The following CHM variants were observed in gnomAD, a reference collection of about 807,000 sequenced individuals.
The protein encoded by CHM is rab proteins geranylgeranyltransferase component A 1.
A neutral mutation model predicts 49.0 loss-of-function variants in CHM; 10 were observed. The ratio of observed to expected loss-of-function variants is 0.20; its 90% confidence interval spans 0.13 to 0.35. CHM has a LOEUF of 0.35. CHM is among the 10% of genes least tolerant of loss of function. The pLI, the probability that CHM is intolerant of heterozygous loss-of-function variation, is 1.00. For missense variants in CHM, 455 were observed against 478.4 expected, an observed-to-expected ratio of 0.95 and a Z score of 0.46; for synonymous variants, 184 against 167.5, an observed-to-expected ratio of 1.10 and a Z score of -0.76.
At chrX:85,897,308 T>TGTGTGC (rs915995471) in intron 11 of CHM, among the ~76,000 whole-genome samples, 1 of 72,341 alleles carries the variant, frequency 1.4e-5, no homozygotes, top group African/African-American at 7.7e-5. Context: ...TGTGTGTGCG[T>TGTGTGC]GTGTGTGTGT....
At chrX:85,928,181 T>C (rs1928202033) in intron 8 of CHM, among the ~76,000 whole-genome samples, 1 of 112,334 alleles carries the variant, frequency 8.9e-6, no homozygotes, top group South Asian at 3.6e-4. Flanking sequence ...AAGTGTCTCT[T>C]TATTCAGTAT....
intron 2 of CHM, among the ~76,000 whole-genome samples, chrX:85,983,847 A>T (rs191303617): frequency 4.1e-4 from 46 of 112,000 alleles, no homozygotes; most frequent in Non-Finnish European, 5.4e-4. Flanking sequence ...TTCCCTAAAA[A>T]ATAAATTATT....
chrX:85,999,718 C>A (rs1234597108), intron 2 of CHM, among the ~76,000 whole-genome samples: 4 of 111,831 alleles, frequency 3.6e-5, no homozygotes, highest in Non-Finnish European at 7.5e-5. Flanking sequence ...ATATTTACAG[C>A]AATTGTAGGC....
chrX:85,982,334 A>T (rs1310808871), intron 2 of CHM, among the ~76,000 whole-genome samples: 1 of 111,678 alleles, frequency 9.0e-6, no homozygotes, highest in Admixed American at 9.5e-5. Context: ...CTCTAGATAA[A>T]GTGGAAGACC....
At chrX:85,968,037 G>A (rs933764044) in intron 4 of CHM, among the ~76,000 whole-genome samples, 1 of 111,115 alleles carries the variant, frequency 9.0e-6, no homozygotes, top group Non-Finnish European at 1.9e-5. Context: ...TACCCAATAC[G>A]ACTTGCTGCA....
rs1331128108 is a variant in CHM, at chrX:85,862,875, A to T, written c.*1755T>A. 1 of 111,706 alleles carries T rather than the reference A, an allele frequency of 9.0e-6. No homozygotes were observed. The highest frequency in any genetic ancestry group is 1.9e-5 in the Non-Finnish European group (1 of 53,088). The allele number at this position is 111,706 out of a possible 1,213,427, so 9.2% of individuals were successfully genotyped here. On this transcript the variant is annotated 3_prime_UTR_variant, in exon 15 of 15. Coordinates refer to ENST00000357749, the MANE Select transcript of CHM (RefSeq NM_000390.4). ...ACCAGCTGCAGTTGAAGTATGTAAG[A>T]ACTATGTACTTTACATTGGAGCCAT...
At chrX:86,007,790 C>T (rs756365141) in intron 2 of CHM, among the ~76,000 whole-genome samples, 4 of 112,167 alleles carry the variant, frequency 3.6e-5, no homozygotes, top group East Asian at 2.8e-4. Context: ...GAAACAGGAA[C>T]GCTTTTACAC....
chrX:85,882,053 T>C (rs2148129539), intron 12 of CHM, among the ~76,000 whole-genome samples: 1 of 111,601 alleles, frequency 9.0e-6, no homozygotes, highest in African/African-American at 3.2e-5. Flanking sequence ...GATGTTATAA[T>C]TTTACTATAA....
chrX:85,935,330 C>T (rs1569418433), intron 8 of CHM, among the ~76,000 whole-genome samples: 1 of 111,708 alleles, frequency 9.0e-6, no homozygotes, highest in Non-Finnish European at 1.9e-5. Flanking sequence ...TAGGTCCCAA[C>T]TCCAACACTG....
intron 7 of CHM, among the ~76,000 whole-genome samples, chrX:85,956,941 A>G (rs1258538858): frequency 8.9e-6 from 1 of 111,967 alleles, no homozygotes; most frequent in Non-Finnish European, 1.9e-5. Context: ...AGAACAGAAT[A>G]TAATGTAATT....
At chrX:85,929,755 A>T (rs1475868690) in intron 8 of CHM, among the ~76,000 whole-genome samples, 1 of 111,984 alleles carries the variant, frequency 8.9e-6, no homozygotes, top group Non-Finnish European at 1.9e-5. Context: ...GCCCGAATTT[A>T]TAGTCAATTC....
Position 85,952,554 on chromosome X carries a change from T to A in CHM, c.1166+3599A>T, listed in dbSNP as rs182342779. 3.6e-5 allele frequency among the ~76,000 whole-genome samples: 4 copies of A among 112,028 alleles called. No homozygotes were observed. The East Asian group carries it at 1.1e-3, about 32-fold the overall frequency. On this transcript the variant is annotated intron_variant, in intron 8 of 14. Transcript: ENST00000357749. ...TTAAAAGCCCTTGGCTACAAAATAA[T>A]CAACAGTAATACCCAGGTAGTATGC...
intron 8 of CHM, among the ~76,000 whole-genome samples, chrX:85,916,165 C>T (rs925024061): frequency 9.0e-6 from 1 of 111,546 alleles, no homozygotes; most frequent in Non-Finnish European, 1.9e-5. Flanking sequence ...ACTATCTGAC[C>T]TTTGACAAAC....
At chrX:85,923,551 A>G (rs748822821) in intron 8 of CHM, among the ~76,000 whole-genome samples, 1 of 112,296 alleles carries the variant, frequency 8.9e-6, no homozygotes, top group African/African-American at 3.2e-5. Flanking sequence ...GGCAACAAGC[A>G]ACAACATTTA....
intron 8 of CHM, among the ~76,000 whole-genome samples, chrX:85,942,347 T>A (rs1041901100): frequency 3.8e-5 from 4 of 105,189 alleles, no homozygotes; most frequent in Admixed American, 1.0e-4. Context: ...CTTCCTTTTA[T>A]AAGGTCTTAA....
At chrX:86,017,874 G>A (rs1458131869) in intron 2 of CHM, among the ~76,000 whole-genome samples, 1 of 111,767 alleles carries the variant, frequency 8.9e-6, no homozygotes, top group Non-Finnish European at 1.9e-5. Context: ...GAATTGCAAG[G>A]AAAAATAAGA....
chrX:86,035,555 G>A lies in CHM; in HGVS notation c.50-7998C>T, dbSNP rs747618451. ...AGCACAAGACCAAAGAAACAAAATGGATAGATGCCTTAGAAAAAACTGAAG... is the reference window on the plus strand; with the variant it reads ...AGCACAAGACCAAAGAAACAAAATGAATAGATGCCTTAGAAAAAACTGAAG... On this transcript the variant is annotated intron_variant, in intron 1 of 14. Coordinates refer to ENST00000357749, the MANE Select transcript of CHM (RefSeq NM_000390.4). Among the ~76,000 whole-genome samples, 43 of 110,977 alleles carry A rather than the reference G, an allele frequency of 3.9e-4. 1 individual carries two copies. The highest frequency in any genetic ancestry group is 1.3e-3 in the African/African-American group (39 of 30,528).
chrX:85,913,388 A>G (rs749904942), intron 8 of CHM, among the ~76,000 whole-genome samples: 54 of 83,369 alleles, frequency 6.5e-4, no homozygotes, highest in South Asian at 2.2e-3. Context: ...AAGAAAGAAA[A>G]AAGGAAAAGG....
chrX:86,035,770 G>A (rs192188566), intron 1 of CHM, among the ~76,000 whole-genome samples: 374 of 107,139 alleles, frequency 3.5e-3, no homozygotes, highest in Non-Finnish European at 5.8e-3. Context: ...GGAAGATACT[G>A]TCGACGAAAA....
Sources: gnomAD v4.1 joint callset for allele counts (sites outside exome capture counted in the v4.1 genomes callset) on GRCh38, gnomAD v4.1.1 for gene constraint, MANE v1.5 for transcripts, NCBI Gene and HGNC (gene_info 2026-07-23, HGNC 2026-07-21) for gene names.